The following ZDHHC2 variants were observed in gnomAD, a reference collection of about 807,000 sequenced individuals.
The protein encoded by ZDHHC2 is palmitoyltransferase ZDHHC2.
ZDHHC2 carries 51 observed loss-of-function variants against 55.6 expected under a neutral mutation model. The observed-to-expected ratio is 0.92, with a 90% CI of 0.73 to 1.16. The LOEUF (loss-of-function observed/expected upper bound fraction) is 1.16. ZDHHC2 is among the 50% of genes most tolerant of loss of function. The pLI is 0.00. For synonymous variants in ZDHHC2, 199 were observed against 152.9 expected (o/e 1.30, Z -2.22); for missense variants, 491 against 442.4 (o/e 1.11, Z -0.99).
intron 12 of ZDHHC2, among the ~76,000 whole-genome samples, chr8:17,218,330 C>T (rs973574898): frequency 6.6e-6 from 1 of 152,118 alleles, no homozygotes; most frequent in Non-Finnish European, 1.5e-5. Flanking sequence ...ATATGAGTCA[C>T]TACCAGCCAA....
chr8:17,208,071 AG>A lies in ZDHHC2; in HGVS notation c.710del (p.Ser237ThrfsTer7). On this transcript the variant is annotated frameshift_variant, in exon 8 of 13. Coordinates refer to ENST00000262096, the MANE Select transcript of ZDHHC2 (RefSeq NM_016353.5). LOFTEE classifies it high-confidence loss of function. ...SLFGYHCWLV[S>X]KNKSTLEAFR... The stretch of plus-strand genomic sequence containing the variant: ...GTTTGGCTATCATTGTTGGCTAGTC[AG>A]CAAAAATAAATCTACATTAGGTGAG... 6.3e-7 allele frequency: 1 copy of A among 1,577,432 alleles called. No individual in the cohort carries two copies. Among genetic ancestry groups the A allele is most frequent in the Non-Finnish European group, 8.6e-7 (1 of 1,159,938 alleles).
chr8:17,201,665 G>GT (rs67135015), intron 6 of ZDHHC2, among the ~76,000 whole-genome samples: 25,475 of 129,768 alleles, frequency 0.2, 3,595 homozygotes, highest in East Asian at 0.44. Flanking sequence ...ACGGTTTTTG[G>GT]TTTTTTTTTT....
intron 3 of ZDHHC2, among the ~76,000 whole-genome samples, chr8:17,189,839 A>G (rs1460799581): frequency 6.6e-6 from 1 of 152,220 alleles, no homozygotes; most frequent in East Asian, 1.9e-4. Context: ...CCTTAGTCAT[A>G]CAACTGTTTG....
intron 6 of ZDHHC2, among the ~76,000 whole-genome samples, chr8:17,199,085 C>A (rs1028490504): frequency 6.6e-6 from 1 of 152,118 alleles, no homozygotes; most frequent in African/African-American, 2.4e-5. Context: ...GTGAGTAATG[C>A]TTATTCTTCA....
chr8:17,192,477 T>C (rs940780190), intron 3 of ZDHHC2, among the ~76,000 whole-genome samples: 1 of 152,238 alleles, frequency 6.6e-6, no homozygotes, highest in Non-Finnish European at 1.5e-5. Flanking sequence ...TTATTAGATT[T>C]TTTTCCTATA....
At chr8:17,214,816 T>C (rs528996452) in intron 10 of ZDHHC2, among the ~76,000 whole-genome samples, 127 of 151,996 alleles carry the variant, frequency 8.4e-4, no homozygotes, top group Non-Finnish European at 1.0e-3. Flanking sequence ...AGGAGGAGGA[T>C]TGATTTGAGC....
intron 3 of ZDHHC2, among the ~76,000 whole-genome samples, chr8:17,193,202 C>A (rs1806122500): frequency 6.6e-6 from 1 of 152,120 alleles, no homozygotes. Context: ...GGAAGGCTTT[C>A]CAGGTTAGGT....
intron 4 of ZDHHC2, among the ~76,000 whole-genome samples, chr8:17,197,215 C>CT (rs1482681683): frequency 6.6e-6 from 1 of 152,102 alleles, no homozygotes; most frequent in Middle Eastern, 3.2e-3. Flanking sequence ...CAGTTTAAAA[C>CT]TTTTTTTGAT....
At chr8:17,199,479 T>G (rs189292230) in intron 6 of ZDHHC2, among the ~76,000 whole-genome samples, 53 of 28,286 alleles carry the variant, frequency 1.9e-3, no homozygotes, top group African/African-American at 5.9e-3. Context: ...CTTCTTCTTC[T>G]TCTTCTTCTT....
chr8:17,206,867 C>G (rs937704804), intron 7 of ZDHHC2, among the ~76,000 whole-genome samples: 4 of 152,072 alleles, frequency 2.6e-5, no homozygotes, highest in African/African-American at 9.7e-5. Flanking sequence ...GAGATTTGAA[C>G]CAAATTTAAT....
At chr8:17,205,870 A>G in intron 7 of ZDHHC2, 95 bp downstream of exon 7, 2 of 1,237,166 alleles carry the variant, frequency 1.6e-6, no homozygotes, top group Non-Finnish European at 2.2e-6. Flanking sequence ...GACTTTATAG[A>G]CCAGAGCTCA....
At chr8:17,212,056 G>A (rs1018085401) in intron 10 of ZDHHC2, among the ~76,000 whole-genome samples, 1 of 152,018 alleles carries the variant, frequency 6.6e-6, no homozygotes, top group African/African-American at 2.4e-5. Flanking sequence ...AGAAATCTTA[G>A]TTCTGACACT....
At chr8:17,204,622 C>G (rs1184789254) in intron 6 of ZDHHC2, among the ~76,000 whole-genome samples, 1 of 151,964 alleles carries the variant, frequency 6.6e-6, no homozygotes, top group African/African-American at 2.4e-5. Flanking sequence ...AACACATGGA[C>G]ACAGAGGAGG....
chr8:17,194,277 T>C (rs1298435124), intron 3 of ZDHHC2, among the ~76,000 whole-genome samples: 1 of 150,816 alleles, frequency 6.6e-6, no homozygotes, highest in Admixed American at 6.6e-5. Flanking sequence ...ATATCACTTT[T>C]AAAGTTTTTT....
chr8:17,177,799 G>A (rs930794767), intron 1 of ZDHHC2, among the ~76,000 whole-genome samples: 7 of 151,278 alleles, frequency 4.6e-5, no homozygotes, highest in Non-Finnish European at 1.0e-4. Flanking sequence ...GGTGGGGGGC[G>A]GTATTCTTCA....
intron 1 of ZDHHC2, among the ~76,000 whole-genome samples, chr8:17,170,671 G>A (rs1222989538): frequency 2.4e-4 from 37 of 152,120 alleles, no homozygotes; most frequent in Middle Eastern, 3.4e-3. Flanking sequence ...AGCTAATAAC[G>A]TTTGGTCATG....
chr8:17,219,696 C>G (rs1375548415), intron 12 of ZDHHC2, among the ~76,000 whole-genome samples: 1 of 152,090 alleles, frequency 6.6e-6, no homozygotes, highest in Non-Finnish European at 1.5e-5. Flanking sequence ...ATGACTTGAG[C>G]CAGGGAGGCG....
chr8:17,202,025 A>G (rs1179060112), intron 6 of ZDHHC2, among the ~76,000 whole-genome samples: 1 of 152,132 alleles, frequency 6.6e-6, no homozygotes, highest in Non-Finnish European at 1.5e-5. Context: ...TTTTCTATCA[A>G]AGTATTTTTT....
chr8:17,199,465 ACTTCTTCTTCTT>A (rs377014817), intron 6 of ZDHHC2, among the ~76,000 whole-genome samples: 1,346 of 98,382 alleles, frequency 0.014, 30 homozygotes, highest in African/African-American at 0.036. Flanking sequence ...CTTTAATAAG[ACTTCTTCTTCTT>A]CTTCTTCTTC....
Sources: gnomAD v4.1 joint callset for allele counts (sites outside exome capture counted in the v4.1 genomes callset) on GRCh38, gnomAD v4.1.1 for gene constraint, MANE v1.5 for transcripts, NCBI Gene and HGNC (gene_info 2026-07-23, HGNC 2026-07-21) for gene names.